The following CPNE4 variants were observed in gnomAD, a reference collection of about 807,000 sequenced individuals.
The protein encoded by CPNE4 is copine-4.
A neutral mutation model predicts 67.9 loss-of-function variants in CPNE4; 25 were observed. The ratio of observed to expected loss-of-function variants is 0.37; its 90% CI spans 0.27 to 0.51. CPNE4 has a LOEUF of 0.51. Among genes scored for constraint, CPNE4 ranks in the 20% least tolerant of loss-of-function variants. The pLI is 0.93. For missense variants in CPNE4, 464 were observed against 690.8 expected (o/e 0.67, Z 3.68); for synonymous variants, 242 against 244.9 (o/e 0.99, Z 0.11).
intron 1 of CPNE4, among the ~76,000 whole-genome samples, chr3:131,995,472 A>T (rs1221338140): frequency 1.3e-5 from 2 of 152,148 alleles, no homozygotes; most frequent in Admixed American, 6.6e-5. Flanking sequence ...TTCACAAAAC[A>T]TTGCATCCGA....
intron 2 of CPNE4, among the ~76,000 whole-genome samples, chr3:131,779,470 C>A (rs376521202): frequency 6.6e-6 from 1 of 151,658 alleles, no homozygotes; most frequent in African/African-American, 2.4e-5. Flanking sequence ...GCATGGTACT[C>A]GTAGAAAAAA....
chr3:131,799,634 G>T (rs2084019765), intron 2 of CPNE4, among the ~76,000 whole-genome samples: 1 of 152,032 alleles, frequency 6.6e-6, no homozygotes. Flanking sequence ...CCTGAATGAG[G>T]CTCTATCACT....
At chr3:131,638,047 A>G (rs188985788) in intron 7 of CPNE4, among the ~76,000 whole-genome samples, 75 of 152,296 alleles carry the variant, frequency 4.9e-4, no homozygotes, top group African/African-American at 1.8e-3. Flanking sequence ...CTAAATCTTG[A>G]AACAAATCTT....
rs73222326 is a variant in CPNE4, at chr3:131,804,779, T to C, written c.181-81154A>G. On this transcript the variant is annotated intron_variant, in intron 2 of 15. Transcript: ENST00000429747. ...CTATTCCACTGCCATGTGACTAAGCTCAGGCTAACCTGATAGAGAACAAGT... is the reference window on the plus strand; with the variant it reads ...CTATTCCACTGCCATGTGACTAAGCCCAGGCTAACCTGATAGAGAACAAGT... 6.3e-4 allele frequency among the ~76,000 whole-genome samples: 96 copies of C among 152,328 alleles called. 1 individual carries two copies. In the South Asian group the frequency reaches 0.014, roughly 22 times the overall value.
chr3:131,992,149 G>A (rs2073187682), intron 1 of CPNE4, among the ~76,000 whole-genome samples: 1 of 136,364 alleles, frequency 7.3e-6, no homozygotes, highest in East Asian at 2.4e-4. Flanking sequence ...GTGGAGCTGT[G>A]AGAAGAGGGC....
intron 2 of CPNE4, among the ~76,000 whole-genome samples, chr3:131,816,841 A>C: frequency 6.6e-6 from 1 of 152,148 alleles, no homozygotes; most frequent in East Asian, 1.9e-4. Context: ...CCATACCTAC[A>C]CCATGACCCA....
In CPNE4 at chr3:131,905,568, T is replaced by C. The variant is rs796483270; in HGVS notation, c.-1-124A>G. On this transcript the variant is annotated intron_variant, in intron 1 of 15. Coordinates refer to ENST00000429747, the MANE Select transcript of CPNE4 (RefSeq NM_130808.3). ...CACACAGTTTCAAACATTGAAGGTA[T>C]TTATCTCACTTTCCAACCCAGTGAC... 9.7e-6 allele frequency: 8 copies of C among 822,802 alleles called. No individual in the cohort carries two copies. The South Asian group carries it at 1.5e-4, about 16-fold the overall frequency. 51.0% of individuals were successfully genotyped at this position (822,802 alleles called of 1,614,324 possible).
At chr3:131,625,552 G>A (rs971024511) in intron 7 of CPNE4, among the ~76,000 whole-genome samples, 1 of 152,078 alleles carries the variant, frequency 6.6e-6, no homozygotes, top group African/African-American at 2.4e-5. Context: ...ATCAACTTTG[G>A]TATTGGCTAG....
chr3:131,695,490 G>A (rs879636088), intron 5 of CPNE4, among the ~76,000 whole-genome samples: 2 of 152,168 alleles, frequency 1.3e-5, no homozygotes, highest in African/African-American at 2.4e-5. Context: ...CATACTAAGT[G>A]TAGAGAAACC....
At chr3:131,876,455 A>G (rs1040746809) in intron 2 of CPNE4, among the ~76,000 whole-genome samples, 2 of 151,540 alleles carry the variant, frequency 1.3e-5, no homozygotes, top group African/African-American at 4.8e-5. Flanking sequence ...ATCCTGGCTA[A>G]CACGGTGAAA....
chr3:131,999,680 A>C (rs1169239745), intron 1 of CPNE4, among the ~76,000 whole-genome samples: 1 of 152,104 alleles, frequency 6.6e-6, no homozygotes, highest in Non-Finnish European at 1.5e-5. Context: ...ATATGATATG[A>C]TAAAGCAATT....
intron 2 of CPNE4, among the ~76,000 whole-genome samples, chr3:131,826,832 G>A (rs962947025): frequency 2.0e-5 from 3 of 152,062 alleles, no homozygotes; most frequent in African/African-American, 7.2e-5. Flanking sequence ...AAGAGTTTGA[G>A]ACTAACCTGG....
At chr3:131,881,681 A>C in intron 2 of CPNE4, among the ~76,000 whole-genome samples, 1 of 152,054 alleles carries the variant, frequency 6.6e-6, no homozygotes, top group East Asian at 1.9e-4. Context: ...GTTATTCTAT[A>C]CCACCTCAGT....
At chr3:131,948,969 C>T (rs1297169639) in intron 1 of CPNE4, among the ~76,000 whole-genome samples, 3 of 152,218 alleles carry the variant, frequency 2.0e-5, no homozygotes. Flanking sequence ...GTCAGATTAA[C>T]TGGGTTGGAA....
intron 2 of CPNE4, among the ~76,000 whole-genome samples, chr3:131,849,535 C>T (rs1375961559): frequency 6.6e-6 from 1 of 152,106 alleles, no homozygotes; most frequent in African/African-American, 2.4e-5. Context: ...AAAATCCACA[C>T]CCATGATCCA....
intron 7 of CPNE4, among the ~76,000 whole-genome samples, chr3:131,668,022 A>G (rs13087900): frequency 0.33 from 50,148 of 151,982 alleles, 8,649 homozygotes; most frequent in African/African-American, 0.4. Context: ...CACATGAAGG[A>G]CCAAATAGCC....
intron 1 of CPNE4, among the ~76,000 whole-genome samples, chr3:131,948,764 G>A (rs1252498564): frequency 2.6e-5 from 4 of 152,152 alleles, no homozygotes; most frequent in Non-Finnish European, 5.9e-5. Context: ...TCCTGTAGCA[G>A]CTCAATAAGT....
intron 10 of CPNE4, among the ~76,000 whole-genome samples, chr3:131,572,413 G>A (rs888844389): frequency 9.2e-5 from 14 of 152,010 alleles, no homozygotes; most frequent in South Asian, 4.1e-4. Flanking sequence ...GAAGAAGGTC[G>A]CTGCCCAACC....
intron 2 of CPNE4, among the ~76,000 whole-genome samples, chr3:131,744,142 C>T (rs755300076): frequency 1.3e-5 from 2 of 151,488 alleles, no homozygotes; most frequent in Non-Finnish European, 2.9e-5. Flanking sequence ...TTTATTTTTA[C>T]TAACTATATG....
Sources: gnomAD v4.1 joint callset for allele counts (sites outside exome capture counted in the v4.1 genomes callset) on GRCh38, gnomAD v4.1.1 for gene constraint, MANE v1.5 for transcripts, NCBI Gene and HGNC (gene_info 2026-07-23, HGNC 2026-07-21) for gene names.